The following MOB1B variants were observed in gnomAD, a reference collection of about 807,000 sequenced individuals.
The protein encoded by MOB1B is MOB1 Mps One Binder homolog B.
Under a neutral mutation model 24.4 loss-of-function variants are expected in MOB1B, and 19 were observed. The observed-to-expected ratio is 0.78, with a 90% CI of 0.54 to 1.14. The LOEUF (loss-of-function observed/expected upper bound fraction) is 1.14. Among genes scored for constraint, MOB1B ranks in the 50% most tolerant of loss-of-function variants. The pLI, the probability that MOB1B is intolerant of heterozygous loss-of-function variation, is 0.00. For synonymous variants in MOB1B, 76 were observed against 82.1 expected (o/e 0.93, Z 0.40); for missense variants, 243 against 259.6 (o/e 0.94, Z 0.44).
At chr4:70,925,985 A>T (rs1166299520) in intron 1 of MOB1B, among the ~76,000 whole-genome samples, 1 of 152,136 alleles carries the variant, frequency 6.6e-6, no homozygotes, top group Non-Finnish European at 1.5e-5. Flanking sequence ...TATGTTTTCA[A>T]TAATTTTCTT....
At chr4:70,958,203 C>T (rs1321262120) in intron 1 of MOB1B, among the ~76,000 whole-genome samples, 1 of 151,092 alleles carries the variant, frequency 6.6e-6, no homozygotes, top group Non-Finnish European at 1.5e-5. Context: ...CTCACTCTGC[C>T]GCCCAGGCTA....
intron 1 of MOB1B, among the ~76,000 whole-genome samples, chr4:70,918,757 G>A (rs1578350211): frequency 6.6e-6 from 1 of 152,106 alleles, no homozygotes; most frequent in Non-Finnish European, 1.5e-5. Flanking sequence ...TAGACATGAA[G>A]TCCTTGCCCA....
At chr4:70,927,078 A>G (rs1210174065) in intron 1 of MOB1B, among the ~76,000 whole-genome samples, 2 of 151,876 alleles carry the variant, frequency 1.3e-5, no homozygotes, top group African/African-American at 4.8e-5. Flanking sequence ...TGTTACATAG[A>G]TGTGCTCCTT....
chr4:70,935,286 G>A (rs1209792128), intron 1 of MOB1B, among the ~76,000 whole-genome samples: 2 of 152,170 alleles, frequency 1.3e-5, no homozygotes, highest in Non-Finnish European at 2.9e-5. Context: ...AAGAAAGGGA[G>A]TATACCGTGG....
At chr4:70,905,023 T>G (rs772764021) in intron 1 of MOB1B, among the ~76,000 whole-genome samples, 1 of 152,204 alleles carries the variant, frequency 6.6e-6, no homozygotes, top group Non-Finnish European at 1.5e-5. Flanking sequence ...TTCAGTTAGG[T>G]TATATCTATC....
rs920182072 is a variant in MOB1B at position 70,985,211 on chromosome 4, C to A, written c.*3154C>A. The A allele has an allele frequency of 6.6e-6, 1 of 151,836 alleles. No homozygotes were observed. The highest frequency in any genetic ancestry group is 1.5e-5 in the Non-Finnish European group (1 of 67,966). 9.4% of individuals were successfully genotyped at this position (151,836 alleles called of 1,614,324 possible). The stretch of plus-strand genomic sequence containing the variant: ...ACATTTCATTTATACTTTTGTTTAC[C>A]CCTCTCTGAGACAGGTTTTGATAAC... On this transcript the variant is annotated 3_prime_UTR_variant, in exon 6 of 6. Transcript: ENST00000309395.
intron 3 of MOB1B, among the ~76,000 whole-genome samples, chr4:70,971,877 G>A (rs556824916): frequency 1.1e-4 from 16 of 152,138 alleles, no homozygotes; most frequent in South Asian, 4.2e-4. Context: ...TCCTGCCTGC[G>A]TGTCTGCTTC....
intron 4 of MOB1B, among the ~76,000 whole-genome samples, chr4:70,978,150 A>G (rs935952019): frequency 1.3e-5 from 2 of 152,206 alleles, no homozygotes; most frequent in African/African-American, 4.8e-5. Context: ...TTTGACTTAA[A>G]AAAATTCCAC....
rs1402470597 is a variant in MOB1B at position 70,902,566 on chromosome 4, C to G, written c.14+16C>G. The G allele has an allele frequency of 1.3e-6, 2 of 1,551,574 alleles. No individual in the cohort carries two copies. Among genetic ancestry groups the G allele is most frequent in the South Asian group, 2.4e-5 (2 of 84,596 alleles). On this transcript the variant is annotated intron_variant, in intron 1 of 5. Coordinates refer to ENST00000309395, the MANE Select transcript of MOB1B (RefSeq NM_173468.4). ...GCTTCTTGTTGTGAGTAGCCAGGCC[C>G]CGCACGCGCCGGCTTTGTTCGGGTG...
chr4:70,954,377 T>C (rs1737945930), intron 1 of MOB1B, among the ~76,000 whole-genome samples: 1 of 152,240 alleles, frequency 6.6e-6, no homozygotes. Context: ...AGCTAAGTAA[T>C]TTGCCTGAGA....
At position 70,902,606 on chromosome 4, in the gene MOB1B, C is replaced by CCCGCCGCCCG. The variant is rs1735557941; in HGVS notation, c.14+62_14+71dup. The CCCGCCGCCCG allele has an allele frequency of 5.6e-6, 8 of 1,417,322 alleles. No individual in the cohort carries two copies. The Admixed American group carries it at 1.7e-4, about 30-fold the overall frequency. The allele number at this position is 1,417,322 out of a possible 1,614,324, so 87.8% of individuals were successfully genotyped here. Reference sequence around the variant, plus strand: ...TTGTTCGGGTGGACCTGGGCCCCCGCCCGCCGCCCGCCGCCCGTCGCCCGC... The same window carrying CCCGCCGCCCG: ...TTGTTCGGGTGGACCTGGGCCCCCGCCCGCCGCCCGCCGCCGCCCGCCGCCCGTCGCCCGC... On this transcript the variant is annotated intron_variant, in intron 1 of 5. Coordinates refer to ENST00000309395, the MANE Select transcript of MOB1B (RefSeq NM_173468.4).
intron 3 of MOB1B, among the ~76,000 whole-genome samples, chr4:70,973,679 A>C (rs184800364): frequency 2.0e-5 from 3 of 152,312 alleles, no homozygotes; most frequent in African/African-American, 7.2e-5. Context: ...GGTGTTGGAA[A>C]GTAAGTGACT....
intron 1 of MOB1B, among the ~76,000 whole-genome samples, chr4:70,947,124 G>A (rs149493165): frequency 1.4e-4 from 21 of 152,280 alleles, no homozygotes; most frequent in African/African-American, 4.6e-4. Context: ...GAAACTGGCC[G>A]TGAAATATCA....
chr4:70,915,312 A>G (rs1222191241), intron 1 of MOB1B, among the ~76,000 whole-genome samples: 1 of 152,242 alleles, frequency 6.6e-6, no homozygotes, highest in Non-Finnish European at 1.5e-5. Flanking sequence ...AGAATTGGAC[A>G]AAATGCACAG....
intron 1 of MOB1B, among the ~76,000 whole-genome samples, chr4:70,935,597 ATGTG>A (rs1342627079): frequency 6.6e-6 from 1 of 151,776 alleles, no homozygotes; most frequent in Non-Finnish European, 1.5e-5. Context: ...AACTTGGTGA[ATGTG>A]TGTGTGTGTA....
intron 2 of MOB1B, among the ~76,000 whole-genome samples, chr4:70,969,011 A>G (rs1738649734): frequency 6.6e-6 from 1 of 152,206 alleles, no homozygotes; most frequent in South Asian, 2.1e-4. Context: ...AGTGATGGCT[A>G]TGTCATAAAT....
chr4:70,970,062 T>G, intron 3 of MOB1B, 38 bp downstream of exon 3: 1 of 1,225,354 alleles, frequency 8.2e-7, no homozygotes, highest in Non-Finnish European at 1.2e-6. Flanking sequence ...TATTTTTACA[T>G]TATTTTACGG....
chr4:70,971,462 G>T (rs1738748818), intron 3 of MOB1B, among the ~76,000 whole-genome samples: 1 of 150,040 alleles, frequency 6.7e-6, no homozygotes, highest in Non-Finnish European at 1.5e-5. Flanking sequence ...GATCGTGCCA[G>T]TGTGTGTACT....
chr4:70,912,415 G>C (rs1170940075), intron 1 of MOB1B, among the ~76,000 whole-genome samples: 1 of 151,850 alleles, frequency 6.6e-6, no homozygotes, highest in Non-Finnish European at 1.5e-5. Flanking sequence ...AAGTAGCTGG[G>C]ATTACAGGTG....
Sources: allele counts gnomAD v4.1 joint callset (sites outside exome capture counted in the v4.1 genomes callset), GRCh38; gene constraint gnomAD v4.1.1; transcripts MANE v1.5; gene names NCBI Gene and HGNC (gene_info 2026-07-23, HGNC 2026-07-21).